C1orf174: variants seen among roughly 807,000 people sequenced by gnomAD.
C1orf174 encodes the protein chromosome 1 open reading frame 174.
Under a neutral mutation model 18.4 loss-of-function variants are expected in C1orf174, and 13 were observed. The ratio of observed to expected loss-of-function variants is 0.71; its 90% CI spans 0.46 to 1.12. C1orf174 has a LOEUF of 1.12. C1orf174 is among the 50% of genes most tolerant of loss of function. The pLI, the probability that C1orf174 is intolerant of heterozygous loss-of-function variation, is 0.00. For missense variants in C1orf174, 309 were observed against 308.0 expected, an observed-to-expected ratio of 1.00 and a Z score of -0.02; for synonymous variants, 100 against 118.3, an observed-to-expected ratio of 0.85 and a Z score of 1.01.
intron 1 of C1orf174, 121 bp downstream of exon 1, chr1:3,900,051 C>A (rs1638681339): frequency 7.8e-7 from 1 of 1,278,046 alleles, no homozygotes. Flanking sequence ...GGGGCGAGGC[C>A]CAAGCGGAGG....
intron 2 of C1orf174, chr1:3,892,550 G>T: frequency 7.4e-6 from 1 of 134,406 alleles, no homozygotes; most frequent in Non-Finnish European, 1.3e-5. Context: ...TAGGATCAGG[G>T]CCCGGGTCTA....
intron 2 of C1orf174, 103 bp downstream of exon 2, chr1:3,892,778 AAC>A (rs2124784313): frequency 6.6e-7 from 1 of 1,503,862 alleles, no homozygotes; most frequent in Non-Finnish European, 8.9e-7. Flanking sequence ...GCAGATAAGT[AAC>A]AGTCGATATT....
Position 3,891,000 on chromosome 1 carries a change from T to A in C1orf174, c.187A>T (p.Lys63Ter), listed in dbSNP as rs1443173224. The change falls in exon 3 of 4, where the codon AAA (lysine) becomes TAA (stop). Residue 63 changes from lysine to a stop codon, truncating the protein, a stop_gained. Coordinates refer to ENST00000361605, the MANE Select transcript of C1orf174 (RefSeq NM_207356.3). LOFTEE classifies it high-confidence loss of function. ...TRTSKKFKCD[K>*]GHLVKSELQK... The stretch of plus-strand genomic sequence containing the variant: ...AATTCTGACTTCACAAGATGTCCTT[T>A]GTCACATTTGAACTTCTTGGACGTT... The A allele has an allele frequency of 6.2e-7, 1 of 1,614,190 alleles. No individual in the cohort carries two copies. Among genetic ancestry groups the A allele is most frequent in the Admixed American group, 1.7e-5 (1 of 60,030 alleles).
At chr1:3,898,003 T>A (rs1638637831) in intron 1 of C1orf174, among the ~76,000 whole-genome samples, 1 of 151,906 alleles carries the variant, frequency 6.6e-6, no homozygotes, top group Non-Finnish European at 1.5e-5. Context: ...CCAAATAGGA[T>A]ACATGCAAAG....
Position 3,900,243 on chromosome 1 carries a change from C to G in C1orf174, c.-57G>C. Reference sequence around the variant, plus strand: ...CCCCGGCCAACGCGTCCCGGCGGAGCGGCGACCCGGAGTCTGCAGAGCGCG... The same window carrying G: ...CCCCGGCCAACGCGTCCCGGCGGAGGGGCGACCCGGAGTCTGCAGAGCGCG... On this transcript the variant is annotated 5_prime_UTR_variant, in exon 1 of 4. Coordinates refer to ENST00000361605, the MANE Select transcript of C1orf174 (RefSeq NM_207356.3). The G allele has an allele frequency of 6.6e-7, 1 of 1,514,168 alleles. No individual in the cohort carries two copies. The highest frequency in any genetic ancestry group is 8.7e-7 in the Non-Finnish European group (1 of 1,143,692). The allele number at this position is 1,514,168 out of a possible 1,614,324, so 93.8% of individuals were successfully genotyped here. A position where few individuals can be genotyped will look rare whatever the true frequency, so the allele number is the denominator to read the frequency against.
rs961899892 is a variant in C1orf174, at chr1:3,890,947, G to T, written c.240C>A (p.Ser80Arg). Reference protein sequence around the residue: ...ELQKLVPKNDSASLPKVTPET... With the variant: ...ELQKLVPKNDRASLPKVTPET... ...CAGGTGTCACTTTTGGCAAAGAAGC[G>T]CTGTCATTCTTAGGGACAAGCTTCT... Residue 80 changes from serine (S) to arginine (R), a missense_variant, in exon 3 of 4, where the codon AGC becomes AGA. Ser to Arg is a moderately radical substitution (Grantham distance 110). Transcript: ENST00000361605. The T allele has an allele frequency of 6.2e-7, 1 of 1,614,116 alleles. No individual in the cohort carries two copies. The highest frequency in any genetic ancestry group is 2.2e-5 in the East Asian group (1 of 44,882).
rs761582837 is a variant in C1orf174, at chr1:3,889,969, T to G, written c.723A>C (p.Ala241=). 1.2e-6 allele frequency: 2 copies of G among 1,613,866 alleles called. No homozygotes were observed. Among genetic ancestry groups the G allele is most frequent in the Non-Finnish European group, 1.7e-6 (2 of 1,179,794 alleles). Residue 241 remains alanine (A), a synonymous_variant, in exon 4 of 4, where the codon GCA becomes GCC. Transcript: ENST00000361605. ...TTATTTTGTATGGCCCCTACATTTC[T>G]GCATCATCGTCGTCGTCATCATCAT... ...KDDDDDDDDD[A]EM
In C1orf174 at chr1:3,890,032, T is replaced by A; in HGVS notation, c.660A>T (p.Arg220Ser). The change falls in exon 4 of 4, where the codon AGA (arginine) becomes AGT (serine). Residue 220 changes from arginine (R) to serine (S), a missense_variant. By Grantham distance (110) the Arg-to-Ser change is moderately radical. Coordinates refer to ENST00000361605, the MANE Select transcript of C1orf174 (RefSeq NM_207356.3). ...PASSSCPSMS[R>S]REFRKMHFRA... ...TGAAATGCATTTTTCTGAACTCTCGTCTGCTCATTGAAGGACAAGATGAAG... is the reference window on the plus strand; with the variant it reads ...TGAAATGCATTTTTCTGAACTCTCGACTGCTCATTGAAGGACAAGATGAAG... 1 of 1,614,220 alleles carries A rather than the reference T, an allele frequency of 6.2e-7. No homozygotes were observed. The highest frequency in any genetic ancestry group is 8.5e-7 in the Non-Finnish European group (1 of 1,180,050).
chr1:3,898,633 C>T (rs1177583092), intron 1 of C1orf174, among the ~76,000 whole-genome samples: 1 of 152,194 alleles, frequency 6.6e-6, no homozygotes, highest in African/African-American at 2.4e-5. Context: ...CAAAACCACA[C>T]ACACACAAAA....
chr1:3,895,586 C>T (rs1638592404), intron 1 of C1orf174: 1 of 145,760 alleles, frequency 6.9e-6, no homozygotes, highest in African/African-American at 2.5e-5. Context: ...TTAACAGACA[C>T]CTGAGCAGGC....
chr1:3,900,197 A>T lies in C1orf174; in HGVS notation c.-11T>A. 6.3e-7 allele frequency: 1 copy of T among 1,581,430 alleles called. No homozygotes were observed. The highest frequency in any genetic ancestry group is 8.5e-7 in the Non-Finnish European group (1 of 1,173,026). ...CTTCCGGCTCCTCATGAGTGTGAGC[A>T]CCGCAGCCAAGCACCGCGCGCCCCG... On this transcript the variant is annotated 5_prime_UTR_variant, in exon 1 of 4. Coordinates refer to ENST00000361605, the MANE Select transcript of C1orf174 (RefSeq NM_207356.3).
intron 1 of C1orf174, chr1:3,895,893 A>G (rs918773864): frequency 2.6e-5 from 4 of 152,300 alleles, no homozygotes; most frequent in African/African-American, 9.6e-5. Flanking sequence ...TGACTTCAAC[A>G]TGATGGCTCG....
intron 2 of C1orf174, chr1:3,891,418 G>A (rs1412416440): frequency 3.6e-5 from 8 of 221,054 alleles, no homozygotes; most frequent in Non-Finnish European, 6.8e-5. Context: ...ATTTCTGCTA[G>A]GGCATAAGCT....
intron 1 of C1orf174, among the ~76,000 whole-genome samples, chr1:3,896,485 C>G (rs528412989): frequency 6.6e-6 from 1 of 152,362 alleles, no homozygotes; most frequent in African/African-American, 2.4e-5. Flanking sequence ...CTCAGAGGCT[C>G]TGCCTGGGAT....
At chr1:3,896,766 C>T (rs190890325) in intron 1 of C1orf174, among the ~76,000 whole-genome samples, 94 of 152,308 alleles carry the variant, frequency 6.2e-4, no homozygotes, top group African/African-American at 2.1e-3. Flanking sequence ...AGTATCCCTT[C>T]GAAGAAGCCA....
intron 1 of C1orf174, among the ~76,000 whole-genome samples, chr1:3,897,397 C>G (rs1638625453): frequency 6.6e-6 from 1 of 152,152 alleles, no homozygotes. Flanking sequence ...ACAAAATTCA[C>G]TAGAAGGGCT....
At chr1:3,890,474 G>A (rs1160523399) in intron 3 of C1orf174, 95 bp downstream of exon 3, 14 of 1,482,624 alleles carry the variant, frequency 9.4e-6, no homozygotes, top group Non-Finnish European at 1.1e-5. Flanking sequence ...ATGTTGTGTC[G>A]AGGCATTATT....
chr1:3,890,533 T>C (rs1449572516), intron 3 of C1orf174, 36 bp downstream of exon 3: 3 of 1,607,216 alleles, frequency 1.9e-6, no homozygotes, highest in South Asian at 2.2e-5. Flanking sequence ...AGCTGCTGCC[T>C]GAGTACCCAC....
intron 1 of C1orf174, 111 bp from the exon 2 acceptor site, chr1:3,893,107 G>T: frequency 8.7e-7 from 1 of 1,150,336 alleles, no homozygotes; most frequent in Non-Finnish European, 1.2e-6. Flanking sequence ...CCACTCCCAG[G>T]ATTTTATCAT....
Sources: allele counts gnomAD v4.1 joint callset (sites outside exome capture counted in the v4.1 genomes callset), GRCh38; gene constraint gnomAD v4.1.1; transcripts MANE v1.5; gene names NCBI Gene and HGNC (gene_info 2026-07-23, HGNC 2026-07-21).